The following MASTL variants were observed in gnomAD, a reference collection of about 807,000 sequenced individuals.
MASTL encodes the protein serine/threonine-protein kinase greatwall.
A neutral mutation model predicts 82.5 loss-of-function variants in MASTL; 54 were observed. The ratio of observed to expected loss-of-function variants is 0.65; its 90% confidence interval spans 0.53 to 0.82. MASTL has a LOEUF of 0.82. Among genes scored for constraint, MASTL ranks in the 40% least tolerant of loss-of-function variants. The probability of loss-of-function intolerance (pLI) is 0.00; values close to 1 mark genes in which losing one functional copy is unlikely to be tolerated. For missense variants in MASTL, 950 were observed against 1,047.8 expected (o/e 0.91, Z 1.29); for synonymous variants, 323 against 368.9 (o/e 0.88, Z 1.43).
intron 11 of MASTL, among the ~76,000 whole-genome samples, chr10:27,183,951 A>G (rs1339418440): frequency 6.6e-6 from 1 of 152,154 alleles, no homozygotes; most frequent in Non-Finnish European, 1.5e-5. Context: ...GGCTCAAGCC[A>G]TCCGCCCACC....
chr10:27,171,161 C>T (rs2057921220), intron 8 of MASTL, 78 bp downstream of exon 8: 3 of 1,228,438 alleles, frequency 2.4e-6, no homozygotes, highest in Non-Finnish European at 3.6e-6. Context: ...CTAAGCTAGA[C>T]TATGCGGTAT....
chr10:27,165,924 A>C (rs569588188), intron 6 of MASTL, among the ~76,000 whole-genome samples: 6 of 151,742 alleles, frequency 4.0e-5, no homozygotes, highest in Non-Finnish European at 8.8e-5. Context: ...ATGCCCCAAA[A>C]TTCAAAACAT....
At chr10:27,183,239 A>T (rs2058428907) in intron 11 of MASTL, among the ~76,000 whole-genome samples, 1 of 150,884 alleles carries the variant, frequency 6.6e-6, no homozygotes, top group African/African-American at 2.4e-5. Context: ...GGAAACTAGT[A>T]AATCTCATTA....
chr10:27,156,982 T>C (rs2057412256), intron 1 of MASTL, among the ~76,000 whole-genome samples: 1 of 151,798 alleles, frequency 6.6e-6, no homozygotes, highest in African/African-American at 2.4e-5. Flanking sequence ...TTTGTATTTT[T>C]AGTAGAGACG....
chr10:27,183,403 C>T (rs1262240530), intron 11 of MASTL, among the ~76,000 whole-genome samples: 2 of 152,010 alleles, frequency 1.3e-5, no homozygotes, highest in Non-Finnish European at 2.9e-5. Context: ...CCTGCCTCAG[C>T]CCCCCAAGTA....
chr10:27,173,221 A>G lies in MASTL; in HGVS notation c.2228A>G (p.Asp743Gly). 6.2e-7 allele frequency: 1 copy of G among 1,614,182 alleles called. No individual in the cohort carries two copies. Among genetic ancestry groups the G allele is most frequent in the Middle Eastern group, 1.6e-4 (1 of 6,062 alleles). The part of the protein sequence containing the change: ...VDDGRILGTP[D>G]YLAPELLLGR... The stretch of plus-strand genomic sequence containing the variant: ...GATGGGCGAATTCTAGGAACCCCAG[A>G]CTACCTTGCACCTGAGCTGTTACTA... Residue 743 changes from aspartate (D) to glycine (G), a missense_variant, in exon 9 of 12, where the codon GAC becomes GGC. Transcript: ENST00000375940.
At position 27,159,605 on chromosome 10, in the gene MASTL, T is replaced by A; in HGVS notation, c.325-14T>A. The A allele has an allele frequency of 2.0e-6, 3 of 1,470,900 alleles. No homozygotes were observed. The highest frequency in any genetic ancestry group is 1.9e-6 in the Non-Finnish European group (2 of 1,051,244). 91.1% of individuals were successfully genotyped at this position (1,470,900 alleles called of 1,614,324 possible). Reference sequence around the variant, plus strand: ...ATTGTTTTTATTTCACAATATTAAATTCTTTTTTGAAAGGTAATGGAATAT... The same window carrying A: ...ATTGTTTTTATTTCACAATATTAAAATCTTTTTTGAAAGGTAATGGAATAT... On this transcript the variant is annotated splice_polypyrimidine_tract_variant and intron_variant, in intron 2 of 11. Transcript: ENST00000375940. The surrounding 1 kb of genome is among the most constrained non-coding windows in gnomAD (Gnocchi z 4.0).
At chr10:27,171,821 G>GTTTTTT (rs1176510939) in intron 8 of MASTL, among the ~76,000 whole-genome samples, 6 of 71,242 alleles carry the variant, frequency 8.4e-5, no homozygotes, top group South Asian at 8.1e-4. Flanking sequence ...TGAAAAATAT[G>GTTTTTT]TTTCTTTTTT....
intron 3 of MASTL, among the ~76,000 whole-genome samples, chr10:27,160,357 G>C (rs1260918924): frequency 1.3e-5 from 2 of 151,886 alleles, no homozygotes; most frequent in African/African-American, 4.8e-5. Flanking sequence ...TTATACAAAA[G>C]TGGTATATTT....
At position 27,171,067 on chromosome 10, in the gene MASTL, C is replaced by T; in HGVS notation, c.2108C>T (p.Ser703Phe). The change falls in exon 8 of 12, where the codon TCC (serine) becomes TTC (phenylalanine). Residue 703 changes from serine to phenylalanine, a missense_variant. Transcript: ENST00000375940. ...ATAACCCCTACTCAAAAAAGAAGAT[C>T]CTGTATGCCACATCAGGTATATTTA... is the stretch of plus-strand genomic sequence containing the variant. ...MAITPTQKRR[S>F]CMPHQQTPNQ... 1 of 1,613,860 alleles carries T rather than the reference C, an allele frequency of 6.2e-7. No individual in the cohort carries two copies. The highest frequency in any genetic ancestry group is 8.5e-7 in the Non-Finnish European group (1 of 1,179,830).
At chr10:27,172,020 G>A (rs1417028222) in intron 8 of MASTL, among the ~76,000 whole-genome samples, 1 of 151,248 alleles carries the variant, frequency 6.6e-6, no homozygotes, top group Non-Finnish European at 1.5e-5. Context: ...GTAGAGATGG[G>A]GTTTCACCAC....
At chr10:27,173,469 G>C (rs1161673423) in intron 9 of MASTL, among the ~76,000 whole-genome samples, 2 of 152,090 alleles carry the variant, frequency 1.3e-5, no homozygotes, top group African/African-American at 4.8e-5. Flanking sequence ...CCAGATGCTG[G>C]AGTACATGTA....
chr10:27,181,797 G>A (rs890614926), intron 11 of MASTL, among the ~76,000 whole-genome samples: 19 of 152,156 alleles, frequency 1.2e-4, no homozygotes, highest in African/African-American at 4.3e-4. Context: ...AAAATTGGCC[G>A]GGTGTGGTGG....
intron 3 of MASTL, 38 bp from the exon 4 acceptor site, chr10:27,161,056 T>G: frequency 7.5e-7 from 1 of 1,335,040 alleles, no homozygotes; most frequent in Non-Finnish European, 1.1e-6. Context: ...AAACTAGCCC[T>G]TTTTTGGTTA....
intron 7 of MASTL, among the ~76,000 whole-genome samples, chr10:27,168,122 G>A (rs1354590287): frequency 6.6e-6 from 1 of 152,034 alleles, no homozygotes; most frequent in South Asian, 2.1e-4. Context: ...GATTCTATTT[G>A]CTGCTTATTC....
intron 4 of MASTL, among the ~76,000 whole-genome samples, chr10:27,164,531 C>T (rs944315889): frequency 3.9e-5 from 6 of 152,158 alleles, no homozygotes; most frequent in Non-Finnish European, 7.3e-5. Context: ...ATATTATGCA[C>T]TGAAACATGC....
intron 1 of MASTL, among the ~76,000 whole-genome samples, chr10:27,156,569 G>A (rs955986403): frequency 1.3e-5 from 2 of 151,924 alleles, no homozygotes; most frequent in Admixed American, 1.3e-4. Context: ...GTGCAGTCTC[G>A]GCTCCCTGCA....
At chr10:27,174,576 C>G (rs2058046188) in intron 9 of MASTL, among the ~76,000 whole-genome samples, 1 of 152,088 alleles carries the variant, frequency 6.6e-6, no homozygotes. Flanking sequence ...GGCTATACTA[C>G]CCCTGAAACC....
At chr10:27,171,520 C>A (rs1026310452) in intron 8 of MASTL, among the ~76,000 whole-genome samples, 1 of 151,372 alleles carries the variant, frequency 6.6e-6, no homozygotes, top group African/African-American at 2.4e-5. Context: ...GCACACTTCA[C>A]CCCCAGGTTC....
Sources: allele counts gnomAD v4.1 joint callset (sites outside exome capture counted in the v4.1 genomes callset), GRCh38; gene constraint gnomAD v4.1.1; non-coding constraint Gnocchi (gnomAD v3.1); transcripts MANE v1.5; gene names NCBI Gene and HGNC (gene_info 2026-07-23, HGNC 2026-07-21).